The following WWOX variants were observed in gnomAD, a reference collection of about 807,000 sequenced individuals.
WWOX encodes the protein WW domain-containing oxidoreductase.
In WWOX, 69 loss-of-function variants were observed where a neutral mutation model predicts 46.2. The observed-to-expected ratio is 1.49, with a 90% CI of 1.23 to 1.82. The LOEUF (loss-of-function observed/expected upper bound fraction) is 1.82. Ranked by LOEUF, WWOX falls within the 40% of genes most tolerant of loss-of-function variation. The pLI is 0.00. For synonymous variants in WWOX, 359 were observed against 202.6 expected, an observed-to-expected ratio of 1.77 and a Z score of -6.56; for missense variants, 919 against 542.6, an observed-to-expected ratio of 1.69 and a Z score of -6.89.
chr16:78,914,675 C>T (rs2151260256), intron 8 of WWOX, among the ~76,000 whole-genome samples: 1 of 151,668 alleles, frequency 6.6e-6, no homozygotes, highest in African/African-American at 2.4e-5. Flanking sequence ...GTCAGGAGAT[C>T]CAGACTATCC....
chr16:78,690,354 T>G (rs4888824), intron 8 of WWOX, among the ~76,000 whole-genome samples: 1 of 151,966 alleles, frequency 6.6e-6, no homozygotes, highest in Non-Finnish European at 1.5e-5. Context: ...TGTTCAAGAC[T>G]GCCCTGGGCA....
chr16:78,371,779 G>T lies in WWOX; in HGVS notation c.517-15081G>T, dbSNP rs190307091. On this transcript the variant is annotated intron_variant, in intron 5 of 8. Transcript: ENST00000566780. ...GCTATTCTGCTTTCAAAATGTTCCTGATGTTTTTCTTTATCTTTATCATTT... is the reference window on the plus strand; with the variant it reads ...GCTATTCTGCTTTCAAAATGTTCCTTATGTTTTTCTTTATCTTTATCATTT... Among the ~76,000 whole-genome samples, 124 of 151,410 alleles carry T rather than the reference G, an allele frequency of 8.2e-4. 2 individuals carry two copies. In the East Asian group the frequency reaches 0.024, roughly 29 times the overall value.
At chr16:78,368,147 T>G (rs2081584019) in intron 5 of WWOX, among the ~76,000 whole-genome samples, 2 of 152,210 alleles carry the variant, frequency 1.3e-5, no homozygotes, top group Non-Finnish European at 2.9e-5. Flanking sequence ...TATGTCAACT[T>G]TGTAAGGGCT....
At chr16:78,172,993 G>C (rs2035212287) in intron 5 of WWOX, among the ~76,000 whole-genome samples, 1 of 152,126 alleles carries the variant, frequency 6.6e-6, no homozygotes. Context: ...CAGACTAGCA[G>C]GTGTTAGATT....
chr16:78,424,035 G>A (rs536621208), intron 6 of WWOX, among the ~76,000 whole-genome samples: 3 of 151,232 alleles, frequency 2.0e-5, no homozygotes, highest in Admixed American at 1.3e-4. Context: ...TTTATTAACA[G>A]CTAGCAAGTG....
chr16:78,314,688 G>GTTTTTTTT (rs375905643), intron 5 of WWOX, among the ~76,000 whole-genome samples: 6 of 90,482 alleles, frequency 6.6e-5, no homozygotes, highest in African/African-American at 1.5e-4. Context: ...CCCTGCAGGG[G>GTTTTTTTT]TTTTTTTTTT....
chr16:78,647,374 G>A (rs2046868151), intron 8 of WWOX, among the ~76,000 whole-genome samples: 1 of 152,140 alleles, frequency 6.6e-6, no homozygotes, highest in African/African-American at 2.4e-5. Context: ...CTGGGAGACT[G>A]GCTGCTGGTT....
intron 5 of WWOX, among the ~76,000 whole-genome samples, chr16:78,195,113 G>T (rs749788003): frequency 2.4e-4 from 37 of 152,162 alleles, no homozygotes; most frequent in Non-Finnish European, 4.3e-4. Context: ...CTGCCAAGCT[G>T]TTCCATCCCC....
At chr16:78,217,067 C>T (rs1006735581) in intron 5 of WWOX, among the ~76,000 whole-genome samples, 2 of 152,180 alleles carry the variant, frequency 1.3e-5, no homozygotes, top group African/African-American at 4.8e-5. Flanking sequence ...CTTAATTTCA[C>T]CGGTAACCTG....
At chr16:79,116,904 A>G (rs1202764520) in intron 8 of WWOX, among the ~76,000 whole-genome samples, 1 of 152,134 alleles carries the variant, frequency 6.6e-6, no homozygotes, top group Non-Finnish European at 1.5e-5. Flanking sequence ...TTTAATAATA[A>G]TACTTGATAG....
At position 78,105,192 on chromosome 16, in the gene WWOX, T is replaced by C. The variant is rs187730417; in HGVS notation, c.108-3231T>C. On this transcript the variant is annotated intron_variant, in intron 1 of 8. Coordinates refer to ENST00000566780, the MANE Select transcript of WWOX (RefSeq NM_016373.4). Reference sequence around the variant, plus strand: ...AAAGAATGATGCAGGCCGGGTGCAGTGGTTCACGCCTGTAATCCCAGCACT... The same window carrying C: ...AAAGAATGATGCAGGCCGGGTGCAGCGGTTCACGCCTGTAATCCCAGCACT... 4.3e-3 allele frequency among the ~76,000 whole-genome samples: 654 copies of C among 152,298 alleles called. 4 individuals carry two copies. The highest frequency in any genetic ancestry group is 5.9e-3 in the Non-Finnish European group (401 of 68,016).
intron 8 of WWOX, among the ~76,000 whole-genome samples, chr16:78,498,660 C>T (rs1343327485): frequency 6.6e-6 from 1 of 152,174 alleles, no homozygotes; most frequent in African/African-American, 2.4e-5. Context: ...TAAAGGAGAG[C>T]AGCGGCATTT....
At chr16:78,554,509 A>G (rs1357562593) in intron 8 of WWOX, among the ~76,000 whole-genome samples, 3 of 152,164 alleles carry the variant, frequency 2.0e-5, no homozygotes, top group Admixed American at 1.3e-4. Context: ...ACATACACAT[A>G]TATGCACAGT....
chr16:78,635,121 C>T (rs947772166), intron 8 of WWOX, among the ~76,000 whole-genome samples: 1 of 152,300 alleles, frequency 6.6e-6, no homozygotes, highest in East Asian at 1.9e-4. Context: ...GATTTCAAAT[C>T]TAAATGTGCC....
chr16:79,091,105 A>G (rs960666964), intron 8 of WWOX, among the ~76,000 whole-genome samples: 4 of 152,172 alleles, frequency 2.6e-5, no homozygotes, highest in African/African-American at 9.7e-5. Context: ...ACTGGATTTT[A>G]CCCTGATTGA....
intron 8 of WWOX, among the ~76,000 whole-genome samples, chr16:78,442,421 A>G (rs992141901): frequency 1.6e-4 from 24 of 152,158 alleles, no homozygotes; most frequent in African/African-American, 5.8e-4. Context: ...TCCTTTGACC[A>G]CTATCTCCCC....
At chr16:79,110,476 C>T (rs1417320491) in intron 8 of WWOX, among the ~76,000 whole-genome samples, 5 of 152,144 alleles carry the variant, frequency 3.3e-5, no homozygotes, top group African/African-American at 1.2e-4. Context: ...GAGCAGAGAA[C>T]ATGCTGTTCT....
intron 8 of WWOX, among the ~76,000 whole-genome samples, chr16:78,689,666 A>T (rs1196379868): frequency 6.6e-6 from 1 of 151,928 alleles, no homozygotes; most frequent in Admixed American, 6.6e-5. Context: ...CCTTGTAGTA[A>T]TTTGCATCCA....
intron 7 of WWOX, among the ~76,000 whole-genome samples, chr16:78,428,517 G>A (rs2083139954): frequency 6.6e-6 from 1 of 152,168 alleles, no homozygotes; most frequent in Non-Finnish European, 1.5e-5. Context: ...GTAGCAGCTG[G>A]TACTTCTCCA....
Sources: allele counts gnomAD v4.1 joint callset (sites outside exome capture counted in the v4.1 genomes callset), GRCh38; gene constraint gnomAD v4.1.1; transcripts MANE v1.5; gene names NCBI Gene and HGNC (gene_info 2026-07-23, HGNC 2026-07-21).